Variants in GTF3A observed in about 807,000 individuals in gnomAD.
GTF3A encodes transcription factor IIIA.
A neutral mutation model predicts 37.6 loss-of-function variants in GTF3A; 40 were observed. The observed-to-expected ratio is 1.06, with a 90% CI of 0.83 to 1.38. The LOEUF (loss-of-function observed/expected upper bound fraction) is 1.38. GTF3A is among the 40% of genes most tolerant of loss of function. The pLI is 0.00. For missense variants in GTF3A, 500 were observed against 462.6 expected, an observed-to-expected ratio of 1.08 and a Z score of -0.74; for synonymous variants, 191 against 166.7, an observed-to-expected ratio of 1.15 and a Z score of -1.12.
intron 4 of GTF3A, among the ~76,000 whole-genome samples, chr13:27,431,246 T>G (rs1244670598): frequency 1.3e-5 from 2 of 152,208 alleles, no homozygotes; most frequent in African/African-American, 4.8e-5. Context: ...TTTAAACCAG[T>G]GCCACCCTGT....
At chr13:27,432,275 C>T (rs1299015587) in intron 4 of GTF3A, among the ~76,000 whole-genome samples, 1 of 152,138 alleles carries the variant, frequency 6.6e-6, no homozygotes, top group Non-Finnish European at 1.5e-5. Flanking sequence ...CTGCTGATGG[C>T]TTTAGCACAG....
intron 5 of GTF3A, 41 bp downstream of exon 5, chr13:27,432,845 A>C: frequency 6.6e-7 from 1 of 1,505,140 alleles, no homozygotes. Flanking sequence ...GGGGGATGCC[A>C]AATCCTGGGC....
At chr13:27,429,998 G>T (rs1953643267) in intron 3 of GTF3A, 32 bp downstream of exon 3, 2 of 1,254,174 alleles carry the variant, frequency 1.6e-6, no homozygotes, top group East Asian at 5.3e-5. Context: ...TAAATTTTTT[G>T]AGTATTTTTA....
chr13:27,429,830 C>A, intron 2 of GTF3A, 40 bp from the exon 3 acceptor site: 2 of 1,100,318 alleles, frequency 1.8e-6, no homozygotes, highest in African/African-American at 1.6e-5. Context: ...CTTCTTCTCC[C>A]TTGGTTTATT....
chr13:27,430,634 T>C lies in GTF3A; in HGVS notation c.488+13T>C. The C allele has an allele frequency of 6.5e-7, 1 of 1,527,148 alleles. No homozygotes were observed. The highest frequency in any genetic ancestry group is 9.1e-7 in the Non-Finnish European group (1 of 1,101,898). 94.6% of individuals were successfully genotyped at this position (1,527,148 alleles called of 1,614,324 possible). ...AACCTCTATTCAAGTAGGTACTTCA[T>C]GTGGCTGAAAATGCCTGGATTCTAG... is the stretch of plus-strand genomic sequence containing the variant. On this transcript the variant is annotated intron_variant, in intron 4 of 8. Coordinates refer to ENST00000381140, the MANE Select transcript of GTF3A (RefSeq NM_002097.3).
At chr13:27,427,341 G>GCGGA in intron 2 of GTF3A, 149 bp downstream of exon 2, 1 of 604,564 alleles carries the variant, frequency 1.7e-6, no homozygotes. Flanking sequence ...ACTTTGGGAG[G>GCGGA]CGGAGATGGG....
intron 2 of GTF3A, among the ~76,000 whole-genome samples, chr13:27,428,180 ATCT>A (rs1203205606): frequency 6.6e-5 from 10 of 152,240 alleles, no homozygotes; most frequent in African/African-American, 1.4e-4. Context: ...TTTCTGTTTG[ATCT>A]TCTCTCATGT....
rs564538711 is a variant in GTF3A, at chr13:27,427,160, C to T, written c.270C>T (p.His90=). 9 of 1,602,708 alleles carry T rather than the reference C, an allele frequency of 5.6e-6. No homozygotes were observed. In the East Asian group the frequency reaches 1.8e-4, roughly 32 times the overall value. ...TCAGGGACTACCATCTGAGCCGCCA[C>T]ATTCTGACTCACACAGGAGAAAAGC... The change falls in exon 2 of 9, where the codon CAC becomes CAT. Residue 90 remains histidine (H), a synonymous_variant. Coordinates refer to ENST00000381140, the MANE Select transcript of GTF3A (RefSeq NM_002097.3).
intron 2 of GTF3A, among the ~76,000 whole-genome samples, chr13:27,428,614 G>A (rs959878166): frequency 6.6e-6 from 1 of 152,154 alleles, no homozygotes; most frequent in Non-Finnish European, 1.5e-5. Context: ...GGTCTCTCAC[G>A]CCCACTTGGG....
At position 27,427,062 on chromosome 13, in the gene GTF3A, A is replaced by C. The variant is rs76449988; in HGVS notation, c.202-30A>C. 9.0e-3 allele frequency: 10,030 copies of C among 1,119,242 alleles called. 616 individuals are homozygous for C. In the African/African-American group the frequency reaches 0.13, roughly 15 times the overall value. 69.3% of individuals were successfully genotyped at this position (1,119,242 alleles called of 1,614,324 possible). The stretch of plus-strand genomic sequence containing the variant: ...TACCAGAGTTACTAACTAGTGCAGA[A>C]GTGACATGCTTTTTCTTTTTTCCTG... On this transcript the variant is annotated intron_variant, in intron 1 of 8. Transcript: ENST00000381140.
At position 27,424,948 on chromosome 13, in the gene GTF3A, GCGAGGCTGC is replaced by G. The variant is rs765996719; in HGVS notation, c.201+12_201+20del. ...CAAGCACACGGGGGAGGTGAGGGGGGCGAGGCTGCCAACCCTGGGCCTAGGGATGGCGCG... is the reference window on the plus strand; with the variant it reads ...CAAGCACACGGGGGAGGTGAGGGGGGCAACCCTGGGCCTAGGGATGGCGCG... On this transcript the variant is annotated intron_variant, in intron 1 of 8. Transcript: ENST00000381140. 5.7e-5 allele frequency: 88 copies of G among 1,541,020 alleles called. 1 individual carries two copies. The South Asian group carries it at 9.3e-4, about 16-fold the overall frequency.
Position 27,424,732 on chromosome 13 carries a change from G to C in GTF3A, c.-6G>C, listed in dbSNP as rs928503818. 5 of 1,443,948 alleles carry C rather than the reference G, an allele frequency of 3.5e-6. No homozygotes were observed. The African/African-American group carries it at 4.5e-5, about 13-fold the overall frequency. The allele number at this position is 1,443,948 out of a possible 1,614,324, so 89.4% of individuals were successfully genotyped here. ...GCCTGGCCCTGGGCTTGGAGGCGCCGGCGCCCTGGATCCGCCGGCCGTGGT... is the reference window on the plus strand; with the variant it reads ...GCCTGGCCCTGGGCTTGGAGGCGCCCGCGCCCTGGATCCGCCGGCCGTGGT... On this transcript the variant is annotated 5_prime_UTR_variant, in exon 1 of 9. Coordinates refer to ENST00000381140, the MANE Select transcript of GTF3A (RefSeq NM_002097.3).
intron 1 of GTF3A, among the ~76,000 whole-genome samples, chr13:27,426,560 G>C (rs1360879881): frequency 6.6e-6 from 1 of 152,218 alleles, no homozygotes; most frequent in African/African-American, 2.4e-5. Context: ...GTTGCATTTA[G>C]GGTGTTGAGC....
At chr13:27,427,804 G>T (rs937858633) in intron 2 of GTF3A, among the ~76,000 whole-genome samples, 4 of 151,780 alleles carry the variant, frequency 2.6e-5, no homozygotes, top group African/African-American at 9.7e-5. Flanking sequence ...GAGCAGTGGG[G>T]GATCCTGGCC....
rs1953585190 is a variant in GTF3A at position 27,424,663 on chromosome 13, C to T, written c.-75C>T. 3 of 1,127,090 alleles carry T rather than the reference C, an allele frequency of 2.7e-6. No individual in the cohort carries two copies. Among genetic ancestry groups the T allele is most frequent in the South Asian group, 4.1e-5 (2 of 49,224 alleles). 69.8% of individuals were successfully genotyped at this position (1,127,090 alleles called of 1,614,324 possible). On this transcript the variant is annotated 5_prime_UTR_variant, in exon 1 of 9. Transcript: ENST00000381140. ...GAAGGTTCAGCAGGGAGCCGTGGGCCGGGCGCGCCGGTTCCCGGCACGTGT... is the reference window on the plus strand; with the variant it reads ...GAAGGTTCAGCAGGGAGCCGTGGGCTGGGCGCGCCGGTTCCCGGCACGTGT...
chr13:27,429,808 T>C, intron 2 of GTF3A, 62 bp from the exon 3 acceptor site: 2 of 767,382 alleles, frequency 2.6e-6, no homozygotes, highest in South Asian at 2.1e-5. Context: ...GGAAGATATA[T>C]GTGTCTTAAA....
Position 27,435,199 on chromosome 13 carries a change from T to C in GTF3A, c.933+7T>C, listed in dbSNP as rs1953700265. On this transcript the variant is annotated splice_region_variant and intron_variant, in intron 8 of 8. Coordinates refer to ENST00000381140, the MANE Select transcript of GTF3A (RefSeq NM_002097.3). The stretch of plus-strand genomic sequence containing the variant: ...GAAGAAAATGAAGCTCAAAGTAAGT[T>C]GAAACTACTTAGGCAAGCTTAGTTT... The C allele has an allele frequency of 6.3e-7, 1 of 1,592,394 alleles. No homozygotes were observed. Among genetic ancestry groups the C allele is most frequent in the Middle Eastern group, 1.8e-4 (1 of 5,426 alleles).
chr13:27,433,538 T>TG (rs1953678410), intron 5 of GTF3A, among the ~76,000 whole-genome samples: 1 of 2,166 alleles, frequency 4.6e-4, no homozygotes, highest in Non-Finnish European at 2.4e-3. Context: ...AAAAAAAAAC[T>TG]TTTTTTTTTT....
Position 27,434,599 on chromosome 13 carries a change from C to A in GTF3A, c.644-206C>A, listed in dbSNP as rs147596035. ...AGAGCCCTGCCTCTTGGCAAGTGAACAATGACTGTGTGGCATTTAAGAACT... is the reference window on the plus strand; with the variant it reads ...AGAGCCCTGCCTCTTGGCAAGTGAAAAATGACTGTGTGGCATTTAAGAACT... On this transcript the variant is annotated intron_variant, in intron 6 of 8. Coordinates refer to ENST00000381140, the MANE Select transcript of GTF3A (RefSeq NM_002097.3). The A allele has an allele frequency of 1.6e-3, 904 of 577,370 alleles. 7 individuals are homozygous for A. The highest frequency in any genetic ancestry group is 0.014 in the African/African-American group (775 of 53,578). The allele number at this position is 577,370 out of a possible 1,614,324, so 35.8% of individuals were successfully genotyped here.
Sources: allele counts gnomAD v4.1 joint callset (sites outside exome capture counted in the v4.1 genomes callset), GRCh38; gene constraint gnomAD v4.1.1; transcripts MANE v1.5; gene names NCBI Gene and HGNC (gene_info 2026-07-23, HGNC 2026-07-21).